Variants in BRSK1 observed in about 807,000 individuals in gnomAD.
The protein encoded by BRSK1 is BR serine/threonine kinase 1.
In BRSK1, 17 loss-of-function variants were observed where a neutral mutation model predicts 86.2. The observed-to-expected ratio is 0.20, with a 90% CI of 0.14 to 0.30. The LOEUF (loss-of-function observed/expected upper bound fraction) is 0.30. BRSK1 is among the 10% of genes least tolerant of loss of function. The pLI is 1.00. For missense variants in BRSK1, 719 were observed against 1,071.9 expected (o/e 0.67, Z 4.60); for synonymous variants, 464 against 440.1 (o/e 1.05, Z -0.68).
chr19:55,293,274 T>C (rs1448029375), intron 4 of BRSK1, among the ~76,000 whole-genome samples: 2 of 152,156 alleles, frequency 1.3e-5, no homozygotes, highest in Non-Finnish European at 2.9e-5. Flanking sequence ...GAGGTTGTGG[T>C]GAGCCGAGAT....
At chr19:55,305,766 C>T (rs2088641357) in intron 16 of BRSK1, among the ~76,000 whole-genome samples, 180 bp downstream of exon 16, 1 of 152,148 alleles carries the variant, frequency 6.6e-6, no homozygotes, top group Admixed American at 6.5e-5. Context: ...GGCCAGAGGC[C>T]TGGAATTGGG....
chr19:55,284,265 C>G lies in BRSK1; in HGVS notation c.-178C>G. ...ACCCCCCCGGGCCAGCCCCCCCTCC[C>G]CCAGCTCCGCGGCCCGCCGACTGGG... On this transcript the variant is annotated 5_prime_UTR_variant, in exon 1 of 19. Transcript: ENST00000309383. 2.0e-6 allele frequency: 1 copy of G among 491,782 alleles called. No homozygotes were observed. Among genetic ancestry groups the G allele is most frequent in the Non-Finnish European group, 3.2e-6 (1 of 317,270 alleles). The allele number at this position is 491,782 out of a possible 1,614,324, so 30.5% of individuals were successfully genotyped here.
Position 55,303,907 on chromosome 19 carries a change from A to G in BRSK1, c.1286+81A>G. 1.3e-6 allele frequency: 2 copies of G among 1,520,056 alleles called. No individual in the cohort carries two copies. The highest frequency in any genetic ancestry group is 1.8e-6 in the Non-Finnish European group (2 of 1,130,474). The allele number at this position is 1,520,056 out of a possible 1,614,324, so 94.2% of individuals were successfully genotyped here. ...GATTCTAACCCCAGCTCTACCTCAAATGTGCTGTGTCCTTGGGACAATTCA... is the reference window on the plus strand; with the variant it reads ...GATTCTAACCCCAGCTCTACCTCAAGTGTGCTGTGTCCTTGGGACAATTCA... On this transcript the variant is annotated intron_variant, in intron 12 of 18. Coordinates refer to ENST00000309383, the MANE Select transcript of BRSK1 (RefSeq NM_032430.2). This position sits in a 1 kb window ranked among gnomAD's most constrained non-coding sequence, Gnocchi z 5.1.
Position 55,302,011 on chromosome 19 carries a change from A to G in BRSK1, c.826-126A>G. 8.7e-7 allele frequency: 1 copy of G among 1,143,200 alleles called. No individual in the cohort carries two copies. The allele number at this position is 1,143,200 out of a possible 1,614,324, so 70.8% of individuals were successfully genotyped here. A position where few individuals can be genotyped will look rare whatever the true frequency, so the allele number is the denominator to read the frequency against. Reference sequence around the variant, plus strand: ...CCACTAGAGGGCGATGTAATATGTCATCCTGCCCCCGGTGGGGTGGGCGGG... The same window carrying G: ...CCACTAGAGGGCGATGTAATATGTCGTCCTGCCCCCGGTGGGGTGGGCGGG... On this transcript the variant is annotated intron_variant, in intron 8 of 18. Coordinates refer to ENST00000309383, the MANE Select transcript of BRSK1 (RefSeq NM_032430.2). The surrounding 1 kb of genome is among the most constrained non-coding windows in gnomAD (Gnocchi z 6.3).
Position 55,305,501 on chromosome 19 carries a change from T to C in BRSK1, c.1805T>C (p.Leu602Ser). The C allele has an allele frequency of 1.2e-6, 2 of 1,614,172 alleles. No individual in the cohort carries two copies. Among genetic ancestry groups the C allele is most frequent in the Non-Finnish European group, 1.7e-6 (2 of 1,180,026 alleles). The change falls in exon 16 of 19, where the codon TTG becomes TCG. Residue 602 changes from leucine to serine, a missense_variant. This residue lies in a region of BRSK1 where 180 missense variants were observed against 259.4 expected (regional missense o/e 0.69). Coordinates refer to ENST00000309383, the MANE Select transcript of BRSK1 (RefSeq NM_032430.2). ...KRSWFGNFISLDKEEQIFLVL... is the reference protein window; with the variant it reads ...KRSWFGNFISSDKEEQIFLVL... ...TCCTGGTTCGGGAACTTCATCTCCTTGGACAAAGAAGAACAAATATTCCTC... is the reference window on the plus strand; with the variant it reads ...TCCTGGTTCGGGAACTTCATCTCCTCGGACAAAGAAGAACAAATATTCCTC...
chr19:55,312,157 T>G lies in BRSK1; in HGVS notation c.*89T>G. 1 of 595,212 alleles carries G rather than the reference T, an allele frequency of 1.7e-6. No homozygotes were observed. Among genetic ancestry groups the G allele is most frequent in the Non-Finnish European group, 2.8e-6 (1 of 356,228 alleles). The allele number at this position is 595,212 out of a possible 1,614,324, so 36.9% of individuals were successfully genotyped here. On this transcript the variant is annotated 3_prime_UTR_variant, in exon 19 of 19. Coordinates refer to ENST00000309383, the MANE Select transcript of BRSK1 (RefSeq NM_032430.2). ...ATCTGTAAATAAGGCCCAAGGAACA[T>G]GTCGGGAGGGGGGTGGACACAAAAA...
At chr19:55,311,565 G>A (rs537618960) in intron 18 of BRSK1, among the ~76,000 whole-genome samples, 6 of 152,162 alleles carry the variant, frequency 3.9e-5, no homozygotes, top group South Asian at 2.1e-4. Context: ...GTTGAGCACC[G>A]TCCTGGCAGG....
rs547605694 is a variant in BRSK1 at position 55,293,501 on chromosome 19, C to CAATAAATAAATAAATA, written c.459-502_459-487dup. On this transcript the variant is annotated intron_variant, in intron 4 of 18. Coordinates refer to ENST00000309383, the MANE Select transcript of BRSK1 (RefSeq NM_032430.2). ...TGGGTGATAGAATGAGACTCCATCTCAATAAATAAATAAATAAATAAATAA... is the reference window on the plus strand; with the variant it reads ...TGGGTGATAGAATGAGACTCCATCTCAATAAATAAATAAATAAATAAATAAATAAATAAATAAATAA... 2.2e-4 allele frequency among the ~76,000 whole-genome samples: 32 copies of CAATAAATAAATAAATA among 148,544 alleles called. 1 individual carries two copies. In the South Asian group the frequency reaches 6.8e-3, roughly 32 times the overall value.
Position 55,304,733 on chromosome 19 carries a change from C to T in BRSK1, c.1530C>T (p.Arg510=), listed in dbSNP as rs1420591476. ...TGCCCGGCCCCCCAGGCTCCCCGCG[C>T]TCCTCTGGCGGGACCCCCTTGCACT... is the stretch of plus-strand genomic sequence containing the variant. The part of the protein sequence containing the change: ...TPLPGPPGSP[R]SSGGTPLHSP... The change falls in exon 14 of 19, where the codon CGC becomes CGT. Residue 510 remains arginine, a synonymous_variant. Coordinates refer to ENST00000309383, the MANE Select transcript of BRSK1 (RefSeq NM_032430.2). The surrounding 1 kb of genome is among the most constrained non-coding windows in gnomAD (Gnocchi z 5.2). The T allele has an allele frequency of 6.6e-7, 1 of 1,524,322 alleles. No individual in the cohort carries two copies. Among genetic ancestry groups the T allele is most frequent in the Non-Finnish European group, 8.8e-7 (1 of 1,141,358 alleles). The allele number at this position is 1,524,322 out of a possible 1,614,324, so 94.4% of individuals were successfully genotyped here.
In BRSK1 at chr19:55,287,163, C is replaced by T. The variant is rs752672529; in HGVS notation, c.232-51C>T. ...GGGCCTCCGGGGCTGAGGGCAGGGG[C>T]GGGGCCGTGCTGACCTCTTTTCCCG... On this transcript the variant is annotated intron_variant, in intron 2 of 18. Transcript: ENST00000309383. The surrounding 1 kb of genome is among the most constrained non-coding windows in gnomAD (Gnocchi z 5.3). 27 of 1,608,446 alleles carry T rather than the reference C, an allele frequency of 1.7e-5. No individual in the cohort carries two copies. Among genetic ancestry groups the T allele is most frequent in the Middle Eastern group, 1.6e-4 (1 of 6,070 alleles).
rs2088769181 is a variant in BRSK1 at position 55,310,746 on chromosome 19, G to C, written c.2180-1165G>C. Reference sequence around the variant, plus strand: ...AGGTGCAGAAACCCTCTTTTCTCATGGTTGCTAGGGGCAACCGGAAAGCAA... The same window carrying C: ...AGGTGCAGAAACCCTCTTTTCTCATCGTTGCTAGGGGCAACCGGAAAGCAA... On this transcript the variant is annotated intron_variant, in intron 18 of 18. Transcript: ENST00000309383. The surrounding 1 kb of genome is among the most constrained non-coding windows in gnomAD (Gnocchi z 5.0). Among the ~76,000 whole-genome samples, 1 of 152,110 alleles carries C rather than the reference G, an allele frequency of 6.6e-6. No individual in the cohort carries two copies. Among genetic ancestry groups the C allele is most frequent in the Admixed American group, 6.5e-5 (1 of 15,278 alleles).
intron 4 of BRSK1, among the ~76,000 whole-genome samples, chr19:55,291,008 G>A (rs1010119336): frequency 6.9e-6 from 1 of 145,328 alleles, no homozygotes. Flanking sequence ...AAGGTCTTCT[G>A]TATATTTTCT....
chr19:55,302,004 A>G lies in BRSK1; in HGVS notation c.826-133A>G. On this transcript the variant is annotated intron_variant, in intron 8 of 18. Coordinates refer to ENST00000309383, the MANE Select transcript of BRSK1 (RefSeq NM_032430.2). The surrounding 1 kb of genome is among the most constrained non-coding windows in gnomAD (Gnocchi z 6.3). Reference sequence around the variant, plus strand: ...TCAGTCGCCACTAGAGGGCGATGTAATATGTCATCCTGCCCCCGGTGGGGT... The same window carrying G: ...TCAGTCGCCACTAGAGGGCGATGTAGTATGTCATCCTGCCCCCGGTGGGGT... 9.2e-7 allele frequency: 1 copy of G among 1,082,388 alleles called. No individual in the cohort carries two copies. Among genetic ancestry groups the G allele is most frequent in the Non-Finnish European group, 1.4e-6 (1 of 701,204 alleles). 67.0% of individuals were successfully genotyped at this position (1,082,388 alleles called of 1,614,324 possible). A position where few individuals can be genotyped will look rare whatever the true frequency, so the allele number is the denominator to read the frequency against.
At chr19:55,289,120 A>G (rs1006049164) in intron 3 of BRSK1, among the ~76,000 whole-genome samples, 6 of 152,100 alleles carry the variant, frequency 3.9e-5, no homozygotes, top group Admixed American at 3.9e-4. Context: ...TTCAGGTGCT[A>G]ATAGAGTCGC....
In BRSK1 at chr19:55,311,966, G is replaced by A; in HGVS notation, c.2235G>A (p.Gln745=). The A allele has an allele frequency of 6.2e-7, 1 of 1,601,028 alleles. No individual in the cohort carries two copies. The change falls in exon 19 of 19, where the codon CAG becomes CAA. Residue 745 remains glutamine, a synonymous_variant. Coordinates refer to ENST00000309383, the MANE Select transcript of BRSK1 (RefSeq NM_032430.2). ...CTGGTGCCCCACCCCGAAGCCTGCA[G>A]CCCCCACCCGGCCGCCCAGACCCAG... The part of the protein sequence containing the change: ...RPAGAPPRSL[Q]PPPGRPDPEL...
In BRSK1 at chr19:55,289,499, G is replaced by A. The variant is rs1430498950; in HGVS notation, c.337G>A (p.Val113Ile). The change falls in exon 4 of 19, where the codon GTC (valine) becomes ATC (isoleucine). Residue 113 changes from valine (V) to isoleucine (I), a missense_variant. Coordinates refer to ENST00000309383, the MANE Select transcript of BRSK1 (RefSeq NM_032430.2). ...CTTTAGGTACCTGGTTCTGGAGCACGTCTCGGGGGGTGAGCTATTCGACTA... is the reference window on the plus strand; with the variant it reads ...CTTTAGGTACCTGGTTCTGGAGCACATCTCGGGGGGTGAGCTATTCGACTA... Reference protein sequence around the residue: ...KKYLYLVLEHVSGGELFDYLV... With the variant: ...KKYLYLVLEHISGGELFDYLV... The A allele has an allele frequency of 7.4e-6, 12 of 1,613,532 alleles. No individual in the cohort carries two copies. Among genetic ancestry groups the A allele is most frequent in the Non-Finnish European group, 9.3e-6 (11 of 1,179,828 alleles).
chr19:55,284,603 T>C, intron 1 of BRSK1, 25 bp downstream of exon 1: 1 of 1,142,246 alleles, frequency 8.8e-7, no homozygotes. Context: ...AGGGGACACC[T>C]GGGGCGGGGG....
intron 16 of BRSK1, 107 bp downstream of exon 16, chr19:55,305,693 A>T: frequency 6.6e-7 from 1 of 1,516,338 alleles, no homozygotes; most frequent in Non-Finnish European, 8.9e-7. Flanking sequence ...CCTGGGGCTC[A>T]TGGGATTTGT....
intron 1 of BRSK1, among the ~76,000 whole-genome samples, chr19:55,285,777 A>G (rs1236413574): frequency 6.6e-6 from 1 of 152,096 alleles, no homozygotes; most frequent in Admixed American, 6.6e-5. Flanking sequence ...AGTCTCTATG[A>G]AGCTCAGGGC....
Sources: gnomAD v4.1 joint callset for allele counts (sites outside exome capture counted in the v4.1 genomes callset) on GRCh38, gnomAD v4.1.1 for gene constraint, gnomAD v4.1.1 regional missense constraint, Gnocchi (gnomAD v3.1) non-coding constraint, MANE v1.5 for transcripts, NCBI Gene and HGNC (gene_info 2026-07-23, HGNC 2026-07-21) for gene names.